The following C8B variants were observed in gnomAD, a reference collection of about 807,000 sequenced individuals.
The protein encoded by C8B is complement C8 beta chain, also known as complement component C8 beta chain.
A neutral mutation model predicts 64.6 loss-of-function variants in C8B; 67 were observed. The ratio of observed to expected loss-of-function variants is 1.04; its 90% confidence interval spans 0.85 to 1.27. The LOEUF is 1.27. Among genes scored for constraint, C8B ranks in the 50% most tolerant of loss-of-function variants. C8B has a pLI of 0.00. For missense variants in C8B, 790 were observed against 725.2 expected, an observed-to-expected ratio of 1.09 and a Z score of -1.03; for synonymous variants, 284 against 257.7, an observed-to-expected ratio of 1.10 and a Z score of -0.98.
At chr1:56,954,939 C>T (rs1400459039) in intron 3 of C8B, 112 bp from the exon 4 acceptor site, 10 of 1,239,732 alleles carry the variant, frequency 8.1e-6, no homozygotes, top group East Asian at 7.0e-5. Flanking sequence ...GCATGCTGCC[C>T]TGTTTTAATT....
intron 1 of C8B, 23 bp from the exon 2 acceptor site, chr1:56,960,199 A>G (rs1557744053): frequency 6.2e-7 from 1 of 1,610,540 alleles, no homozygotes; most frequent in Non-Finnish European, 8.5e-7. Context: ...ATGAGAGAAG[A>G]GAGTCACGTA....
Position 56,952,128 on chromosome 1 carries a change from A to G in C8B, c.586T>C (p.Tyr196His). 1 of 1,614,174 alleles carries G rather than the reference A, an allele frequency of 6.2e-7. No homozygotes were observed. The highest frequency in any genetic ancestry group is 8.5e-7 in the Non-Finnish European group (1 of 1,180,004). The change falls in exon 5 of 12, where the codon TAT (tyrosine) becomes CAT (histidine). Residue 196 changes from tyrosine to histidine, a missense_variant. Physicochemically the swap from Tyr to His is moderately conservative, Grantham distance 83. Coordinates refer to ENST00000371237, the MANE Select transcript of C8B (RefSeq NM_000066.4). ...FEGPVLDHRY[Y>H]AGGCSPHYIL... is the part of the protein sequence containing the mutation. ...TAATGCGGGGAGCATCCACCTGCAT[A>G]ATACCTGTGATCAAGAACTGGGCCC...
At chr1:56,948,899 G>T (rs1644980818) in intron 6 of C8B, among the ~76,000 whole-genome samples, 1 of 152,064 alleles carries the variant, frequency 6.6e-6, no homozygotes, top group African/African-American at 2.4e-5. Flanking sequence ...GGTCTTCAAA[G>T]CTACATCTTA....
intron 8 of C8B, 84 bp from the exon 9 acceptor site, chr1:56,941,096 TACACCATATTC>T: frequency 6.9e-7 from 1 of 1,448,998 alleles, no homozygotes; most frequent in East Asian, 2.3e-5. Context: ...ACAATTTGGG[TACACCATATTC>T]ACTGAACTTG....
chr1:56,935,963 C>T (rs929671375), intron 9 of C8B, among the ~76,000 whole-genome samples: 6 of 152,210 alleles, frequency 3.9e-5, no homozygotes, highest in South Asian at 2.1e-4. Context: ...ATGATTCCAT[C>T]GTCTTTGATA....
chr1:56,949,736 T>G lies in C8B; in HGVS notation c.683A>C (p.Glu228Ala). ...TGATTCATACTCTTTTAATATGAAT[T>G]CGTATTTGCCTTGGGTCTAAAGAAG... ...SYTPQTQGKYEFILKEYESYS... is the reference protein window; with the variant it reads ...SYTPQTQGKYAFILKEYESYS... Residue 228 changes from glutamate to alanine, a missense_variant, in exon 6 of 12, where the codon GAA (glutamate) becomes GCA (alanine). Physicochemically the swap from Glu to Ala is moderately radical, Grantham distance 107. Coordinates refer to ENST00000371237, the MANE Select transcript of C8B (RefSeq NM_000066.4). 1 of 1,612,986 alleles carries G rather than the reference T, an allele frequency of 6.2e-7. No homozygotes were observed. Among genetic ancestry groups the G allele is most frequent in the Non-Finnish European group, 8.5e-7 (1 of 1,179,250 alleles).
intron 9 of C8B, among the ~76,000 whole-genome samples, chr1:56,937,043 A>G (rs1644785700): frequency 1.3e-5 from 2 of 152,196 alleles, no homozygotes; most frequent in Admixed American, 1.3e-4. Flanking sequence ...AATCTTTGAT[A>G]CCTTGCTTTG....
At chr1:56,933,203 G>T in intron 10 of C8B, 132 bp downstream of exon 10, 1 of 802,864 alleles carries the variant, frequency 1.2e-6, no homozygotes, top group Non-Finnish European at 2.2e-6. Flanking sequence ...CAGGTATACT[G>T]ACAGCCAGAG....
chr1:56,931,779 C>A, intron 11 of C8B, 31 bp downstream of exon 11: 1 of 1,486,034 alleles, frequency 6.7e-7, no homozygotes, highest in East Asian at 2.3e-5. Flanking sequence ...TTCTCTGGAC[C>A]TCCCCAGAGT....
intron 10 of C8B, among the ~76,000 whole-genome samples, chr1:56,933,001 T>A (rs1644724352): frequency 6.6e-6 from 1 of 152,190 alleles, no homozygotes; most frequent in South Asian, 2.1e-4. Context: ...TCCTTGCTGC[T>A]ACCCCCAAAT....
chr1:56,931,979 G>C (rs1644708816), intron 10 of C8B, 101 bp from the exon 11 acceptor site: 7 of 831,850 alleles, frequency 8.4e-6, no homozygotes, highest in Non-Finnish European at 1.4e-5. Context: ...GGTTAAAACA[G>C]AGCACATATT....
intron 1 of C8B, 31 bp downstream of exon 1, chr1:56,965,826 G>T: frequency 1.2e-6 from 2 of 1,605,804 alleles, no homozygotes; most frequent in South Asian, 1.1e-5. Flanking sequence ...TCATATTATT[G>T]ATCAGGGAAT....
intron 6 of C8B, among the ~76,000 whole-genome samples, chr1:56,948,868 A>G (rs931016281): frequency 1.3e-5 from 2 of 152,206 alleles, no homozygotes; most frequent in Non-Finnish European, 2.9e-5. Flanking sequence ...CTGTGGGCTA[A>G]AAAGTCTCCA....
In C8B at chr1:56,954,536, G is replaced by C. The variant is rs922491541; in HGVS notation, c.533+150C>G. ...GGAGCTGCTTGGAACTGCCCTCAGA[G>C]AGCAACCGGAAGTGTTACTTACAAT... On this transcript the variant is annotated intron_variant, in intron 4 of 11. Coordinates refer to ENST00000371237, the MANE Select transcript of C8B (RefSeq NM_000066.4). The C allele has an allele frequency of 3.7e-6, 4 of 1,067,932 alleles. No individual in the cohort carries two copies. The South Asian group carries it at 4.0e-5, about 11-fold the overall frequency. The allele number at this position is 1,067,932 out of a possible 1,614,324, so 66.2% of individuals were successfully genotyped here. A position where few individuals can be genotyped will look rare whatever the true frequency, so the allele number is the denominator to read the frequency against.
intron 1 of C8B, among the ~76,000 whole-genome samples, chr1:56,964,505 C>T (rs181938104): frequency 6.6e-6 from 1 of 152,166 alleles, no homozygotes; most frequent in Non-Finnish European, 1.5e-5. Context: ...CGCACCGTTG[C>T]CTGTGCTGCT....
At chr1:56,944,640 T>C (rs1644915090) in intron 7 of C8B, among the ~76,000 whole-genome samples, 1 of 152,236 alleles carries the variant, frequency 6.6e-6, no homozygotes, top group African/African-American at 2.4e-5. Flanking sequence ...TTCGTGAAAC[T>C]TTGAGAGTGG....
At chr1:56,953,729 A>T (rs1431403492) in intron 4 of C8B, among the ~76,000 whole-genome samples, 1 of 152,182 alleles carries the variant, frequency 6.6e-6, no homozygotes, top group Non-Finnish European at 1.5e-5. Flanking sequence ...GCCTTGCCCG[A>T]GGTGCCCTGG....
At chr1:56,941,547 T>C (rs1471745015) in intron 8 of C8B, among the ~76,000 whole-genome samples, 2 of 145,974 alleles carry the variant, frequency 1.4e-5, no homozygotes, top group Non-Finnish European at 3.0e-5. Flanking sequence ...GATAGATAGA[T>C]AGATAATAGA....
chr1:56,930,708 T>C (rs1644688623), intron 11 of C8B, among the ~76,000 whole-genome samples: 1 of 152,218 alleles, frequency 6.6e-6, no homozygotes, highest in Non-Finnish European at 1.5e-5. Context: ...TGAACCTCAG[T>C]TTCTTCATCT....
Sources: allele counts gnomAD v4.1 joint callset (sites outside exome capture counted in the v4.1 genomes callset), GRCh38; gene constraint gnomAD v4.1.1; transcripts MANE v1.5; gene names NCBI Gene and HGNC (gene_info 2026-07-23, HGNC 2026-07-21).